Variants in AGBL1 observed in about 807,000 individuals in gnomAD.
The protein encoded by AGBL1 is AGBL carboxypeptidase 1.
In AGBL1, 130 loss-of-function variants were observed where a neutral mutation model predicts 118.9. The observed-to-expected ratio is 1.09, with a 90% CI of 0.95 to 1.26. AGBL1 has a LOEUF of 1.26. AGBL1 is among the 50% of genes most tolerant of loss of function. AGBL1 has a pLI of 0.00. For synonymous variants in AGBL1, 555 were observed against 478.9 expected, an observed-to-expected ratio of 1.16 and a Z score of -2.08; for missense variants, 1,584 against 1,298.1, an observed-to-expected ratio of 1.22 and a Z score of -3.38.
At chr15:86,997,277 T>C (rs1274669258) in intron 24 of AGBL1, among the ~76,000 whole-genome samples, 4 of 152,136 alleles carry the variant, frequency 2.6e-5, no homozygotes, top group African/African-American at 4.8e-5. Context: ...CATGGCCAAC[T>C]TCCCTAATTA....
chr15:86,382,711 C>T (rs1330556712), intron 17 of AGBL1, among the ~76,000 whole-genome samples: 1 of 151,772 alleles, frequency 6.6e-6, no homozygotes, highest in Non-Finnish European at 1.5e-5. Context: ...TCTCTGATTT[C>T]TTTCCTTCCT....
intron 6 of AGBL1, among the ~76,000 whole-genome samples, chr15:86,242,044 T>C (rs2078649116): frequency 6.6e-6 from 1 of 152,150 alleles, no homozygotes; most frequent in African/African-American, 2.4e-5. Flanking sequence ...CTGATGGTTT[T>C]ATAAAGGAGA....
At chr15:86,971,963 G>A (rs2081113040) in intron 23 of AGBL1, among the ~76,000 whole-genome samples, 1 of 151,896 alleles carries the variant, frequency 6.6e-6, no homozygotes, top group South Asian at 2.1e-4. Context: ...GCTGCCTTGT[G>A]AAGAAGGGGC....
At chr15:86,440,158 A>G (rs1209964946) in intron 18 of AGBL1, among the ~76,000 whole-genome samples, 1 of 152,224 alleles carries the variant, frequency 6.6e-6, no homozygotes, top group Non-Finnish European at 1.5e-5. Flanking sequence ...CTGAATAATA[A>G]TGAAAGAAAA....
chr15:86,841,691 A>G (rs1274899892), intron 22 of AGBL1, among the ~76,000 whole-genome samples: 1 of 152,092 alleles, frequency 6.6e-6, no homozygotes, highest in African/African-American at 2.4e-5. Flanking sequence ...TACTAAAAAC[A>G]CAAAAATTAT....
At chr15:86,833,826 G>A (rs2079138421) in intron 22 of AGBL1, among the ~76,000 whole-genome samples, 1 of 152,076 alleles carries the variant, frequency 6.6e-6, no homozygotes, top group Admixed American at 6.6e-5. Flanking sequence ...CCAGAAATCA[G>A]TGTGCAAAAA....
At chr15:86,336,536 C>T (rs532024342) in intron 17 of AGBL1, among the ~76,000 whole-genome samples, 23 of 152,278 alleles carry the variant, frequency 1.5e-4, no homozygotes, top group South Asian at 1.5e-3. Flanking sequence ...ACAACTGTTG[C>T]GTGAGAGTTG....
chr15:86,103,403 C>T (rs923217108), intron 1 of AGBL1, among the ~76,000 whole-genome samples: 4 of 151,900 alleles, frequency 2.6e-5, no homozygotes, highest in African/African-American at 4.8e-5. Context: ...TTGGAGGTGT[C>T]GTGTTTCCTT....
intron 23 of AGBL1, among the ~76,000 whole-genome samples, chr15:86,937,175 G>T (rs2080686860): frequency 6.6e-6 from 1 of 152,232 alleles, no homozygotes; most frequent in Admixed American, 6.5e-5. Context: ...AGGTTGTGGA[G>T]TAACGGGAAC....
intron 23 of AGBL1, among the ~76,000 whole-genome samples, chr15:86,987,474 C>T (rs889819346): frequency 2.9e-4 from 44 of 152,126 alleles, no homozygotes; most frequent in African/African-American, 1.0e-3. Context: ...AATTGTATGC[C>T]TTTTATTTCT....
At chr15:86,253,834 A>G (rs2078854593) in intron 7 of AGBL1, among the ~76,000 whole-genome samples, 1 of 152,198 alleles carries the variant, frequency 6.6e-6, no homozygotes, top group Admixed American at 6.5e-5. Flanking sequence ...AACTGTCACT[A>G]CTACCCATCC....
intron 22 of AGBL1, among the ~76,000 whole-genome samples, chr15:86,777,227 T>C (rs2141299838): frequency 6.6e-6 from 1 of 152,252 alleles, no homozygotes; most frequent in Admixed American, 6.5e-5. Context: ...TTATGTTCCC[T>C]TGATTTATTT....
At chr15:86,746,067 G>C (rs1260442964) in intron 22 of AGBL1, among the ~76,000 whole-genome samples, 1 of 152,012 alleles carries the variant, frequency 6.6e-6, no homozygotes, top group African/African-American at 2.4e-5. Flanking sequence ...CTCTCACCTA[G>C]TACTTCATCC....
At chr15:87,012,916 G>T (rs8028933) in intron 24 of AGBL1, among the ~76,000 whole-genome samples, 2,807 of 152,200 alleles carry the variant, frequency 0.018, 99 homozygotes, top group African/African-American at 0.064. Context: ...AAGTTTCTGA[G>T]TTGAGAGATA....
At chr15:86,827,937 G>GTTTTTTTTTTT (rs71460225) in intron 22 of AGBL1, among the ~76,000 whole-genome samples, 1 of 7,800 alleles carries the variant, frequency 1.3e-4, no homozygotes, top group African/African-American at 7.4e-4. Flanking sequence ...TTGATGTAGG[G>GTTTTTTTTTTT]CTTTTTTTTT....
At chr15:86,357,720 A>G (rs1014513492) in intron 17 of AGBL1, among the ~76,000 whole-genome samples, 1 of 152,100 alleles carries the variant, frequency 6.6e-6, no homozygotes, top group African/African-American at 2.4e-5. Flanking sequence ...TTACTAAAAT[A>G]ATGTTCCCTT....
chr15:86,414,912 G>C (rs898384805), intron 18 of AGBL1, among the ~76,000 whole-genome samples: 33 of 152,288 alleles, frequency 2.2e-4, no homozygotes, highest in African/African-American at 7.0e-4. Context: ...CCTTGGACAA[G>C]AAACTTGTCA....
intron 24 of AGBL1, among the ~76,000 whole-genome samples, chr15:87,017,459 C>A (rs1029348191): frequency 6.6e-6 from 1 of 151,930 alleles, no homozygotes; most frequent in Non-Finnish European, 1.5e-5. Context: ...TGTTTTGCAG[C>A]CTTCACTGAT....
At chr15:86,374,952 T>C (rs2081020550) in intron 17 of AGBL1, among the ~76,000 whole-genome samples, 1 of 152,224 alleles carries the variant, frequency 6.6e-6, no homozygotes, top group African/African-American at 2.4e-5. Context: ...ACCACAGTGC[T>C]TAGTCAATGA....
Sources: allele counts gnomAD v4.1 joint callset (sites outside exome capture counted in the v4.1 genomes callset), GRCh38; gene constraint gnomAD v4.1.1; transcripts MANE v1.5; gene names NCBI Gene and HGNC (gene_info 2026-07-23, HGNC 2026-07-21).